Variants in ZNF385D observed in about 807,000 individuals in gnomAD.
ZNF385D encodes the protein zinc finger protein 659.
Under a neutral mutation model 35.8 loss-of-function variants are expected in ZNF385D, and 15 were observed. The ratio of observed to expected loss-of-function variants is 0.42; its 90% CI spans 0.28 to 0.64. ZNF385D has a LOEUF of 0.64. Among genes scored for constraint, ZNF385D ranks in the 30% least tolerant of loss-of-function variants. The probability of loss-of-function intolerance (pLI) is 0.23; values close to 1 mark genes in which losing one functional copy is unlikely to be tolerated. For synonymous variants in ZNF385D, 212 were observed against 186.8 expected, an observed-to-expected ratio of 1.13 and a Z score of -1.10; for missense variants, 474 against 494.6, an observed-to-expected ratio of 0.96 and a Z score of 0.39.
chr3:22,223,453 T>A (rs1345860154), intron 2 of ZNF385D, among the ~76,000 whole-genome samples: 3 of 152,082 alleles, frequency 2.0e-5, no homozygotes, highest in Non-Finnish European at 4.4e-5. Flanking sequence ...AATATGGGAT[T>A]GAACACTATT....
intron 3 of ZNF385D, among the ~76,000 whole-genome samples, chr3:21,796,192 C>A (rs2072143005): frequency 6.6e-6 from 1 of 152,170 alleles, no homozygotes; most frequent in African/African-American, 2.4e-5. Flanking sequence ...AACCTCACTG[C>A]TGCAGTAACT....
At chr3:21,709,111 A>G (rs2068008804) in intron 1 of ZNF385D, among the ~76,000 whole-genome samples, 1 of 152,186 alleles carries the variant, frequency 6.6e-6, no homozygotes, top group Admixed American at 6.5e-5. Context: ...TGCACAAACC[A>G]CAAATATGGT....
chr3:22,162,603 G>T (rs948853756), intron 3 of ZNF385D, among the ~76,000 whole-genome samples: 6 of 152,086 alleles, frequency 3.9e-5, no homozygotes, highest in African/African-American at 1.4e-4. Flanking sequence ...TTCCCTCACT[G>T]TCCTATTACC....
rs58505761 is a variant in ZNF385D, at chr3:21,695,319, A to G, written c.23-30291T>C. 5.3e-3 allele frequency among the ~76,000 whole-genome samples: 808 copies of G among 152,290 alleles called. 5 individuals carry two copies. The highest frequency in any genetic ancestry group is 0.019 in the African/African-American group (777 of 41,560). The stretch of plus-strand genomic sequence containing the variant: ...TTAATCTTTGGATGCCTCTGGAGAC[A>G]GGTGATTTTCGAGAGCTGAGAGAAA... On this transcript the variant is annotated intron_variant, in intron 1 of 7. Transcript: ENST00000281523.
At chr3:21,721,141 A>G (rs1019416919) in intron 1 of ZNF385D, among the ~76,000 whole-genome samples, 1 of 152,132 alleles carries the variant, frequency 6.6e-6, no homozygotes, top group African/African-American at 2.4e-5. Context: ...AGAAAGGAGC[A>G]TAATGACTTT....
At chr3:21,925,707 A>C (rs1306084059) in intron 3 of ZNF385D, among the ~76,000 whole-genome samples, 1 of 152,174 alleles carries the variant, frequency 6.6e-6, no homozygotes, top group Non-Finnish European at 1.5e-5. Flanking sequence ...CTCTGAGAAA[A>C]TATTTACAAA....
chr3:21,774,631 TAGAG>T (rs1559610217), intron 3 of ZNF385D, among the ~76,000 whole-genome samples: 1 of 151,538 alleles, frequency 6.6e-6, no homozygotes, highest in Non-Finnish European at 1.5e-5. Flanking sequence ...GGTGCAGAGA[TAGAG>T]AGAAGTGATT....
chr3:22,166,172 T>A (rs1706314222), intron 3 of ZNF385D, among the ~76,000 whole-genome samples: 2 of 152,184 alleles, frequency 1.3e-5, no homozygotes, highest in Admixed American at 6.6e-5. Flanking sequence ...ATGGTTGTTT[T>A]TCGTGGCCTA....
chr3:21,893,146 A>T (rs1698965798), intron 3 of ZNF385D, among the ~76,000 whole-genome samples: 1 of 152,160 alleles, frequency 6.6e-6, no homozygotes, highest in Non-Finnish European at 1.5e-5. Flanking sequence ...TAAGTTTCTC[A>T]TCTAAAATGG....
chr3:22,341,222 T>C (rs1321188597), intron 2 of ZNF385D, among the ~76,000 whole-genome samples: 1 of 152,210 alleles, frequency 6.6e-6, no homozygotes, highest in Non-Finnish European at 1.5e-5. Context: ...TCTTAACATA[T>C]TATAATAATG....
At chr3:21,964,152 A>G (rs1399993940) in intron 3 of ZNF385D, among the ~76,000 whole-genome samples, 1 of 152,064 alleles carries the variant, frequency 6.6e-6, no homozygotes. Flanking sequence ...ATCTTCAGTA[A>G]AGAATGAACA....
intron 3 of ZNF385D, among the ~76,000 whole-genome samples, chr3:21,764,494 G>A (rs1012139733): frequency 3.9e-5 from 6 of 152,234 alleles, no homozygotes; most frequent in South Asian, 2.1e-4. Context: ...TCTGGTACAA[G>A]CCACAGTTTT....
chr3:21,523,916 A>G (rs945632308), intron 3 of ZNF385D, among the ~76,000 whole-genome samples: 3 of 152,228 alleles, frequency 2.0e-5, no homozygotes, highest in Non-Finnish European at 4.4e-5. Flanking sequence ...TGCACAAGTA[A>G]GAGATGGCCA....
At chr3:21,940,723 G>A (rs368537442) in intron 3 of ZNF385D, among the ~76,000 whole-genome samples, 1 of 152,188 alleles carries the variant, frequency 6.6e-6, no homozygotes, top group Admixed American at 6.5e-5. Flanking sequence ...GAGGATAAAA[G>A]TAGGCTTGGA....
intron 3 of ZNF385D, among the ~76,000 whole-genome samples, chr3:22,118,523 T>A (rs1041721829): frequency 2.6e-5 from 4 of 152,092 alleles, no homozygotes; most frequent in African/African-American, 9.7e-5. Context: ...AGATAAGACA[T>A]TTTAAAATGA....
chr3:22,265,270 A>T (rs1700840149), intron 2 of ZNF385D, among the ~76,000 whole-genome samples: 1 of 152,002 alleles, frequency 6.6e-6, no homozygotes, highest in East Asian at 1.9e-4. Flanking sequence ...CTCTCTGAGG[A>T]GGTGATGTTT....
At chr3:22,122,510 T>C (rs55934991) in intron 3 of ZNF385D, among the ~76,000 whole-genome samples, 18,864 of 152,148 alleles carry the variant, frequency 0.12, 2,114 homozygotes, top group African/African-American at 0.3. Context: ...ACTAAATATA[T>C]GTCAGAATCT....
At chr3:21,660,459 G>A (rs77083690) in intron 2 of ZNF385D, among the ~76,000 whole-genome samples, 2,051 of 152,230 alleles carry the variant, frequency 0.013, 52 homozygotes, top group African/African-American at 0.045. Flanking sequence ...ATAGAGCCAT[G>A]GGGACGGGGG....
At chr3:21,820,998 C>G (rs2073371095) in intron 3 of ZNF385D, among the ~76,000 whole-genome samples, 1 of 151,862 alleles carries the variant, frequency 6.6e-6, no homozygotes, top group Non-Finnish European at 1.5e-5. Flanking sequence ...TTAAAACCCT[C>G]AATAATCCTG....
Sources: gnomAD v4.1 joint callset for allele counts (sites outside exome capture counted in the v4.1 genomes callset) on GRCh38, gnomAD v4.1.1 for gene constraint, MANE v1.5 for transcripts, NCBI Gene and HGNC (gene_info 2026-07-23, HGNC 2026-07-21) for gene names.